MEGF11: variants seen among roughly 807,000 people sequenced by gnomAD.
The protein encoded by MEGF11 is multiple EGF like domains 11.
In MEGF11, 126 loss-of-function variants were observed where a neutral mutation model predicts 146.6. That is an observed-to-expected ratio of 0.86 (90% CI 0.74 to 1.00). The LOEUF is 1.00. Ranked by LOEUF, MEGF11 falls within the 50% of genes least tolerant of loss-of-function variation. The pLI is 0.00. For missense variants in MEGF11, 1,509 were observed against 1,521.2 expected, an observed-to-expected ratio of 0.99 and a Z score of 0.13; for synonymous variants, 532 against 583.4, an observed-to-expected ratio of 0.91 and a Z score of 1.27.
chr15:66,178,913 G>C (rs1169249449), intron 1 of MEGF11, among the ~76,000 whole-genome samples: 4 of 152,042 alleles, frequency 2.6e-5, no homozygotes, highest in Admixed American at 2.6e-4. Context: ...AAGACAGAGA[G>C]GAACTTAGCA....
intron 5 of MEGF11, among the ~76,000 whole-genome samples, chr15:66,031,961 G>C (rs2083537815): frequency 6.6e-6 from 1 of 152,232 alleles, no homozygotes; most frequent in African/African-American, 2.4e-5. Flanking sequence ...TACTGCCTGA[G>C]CTCTGCCTCC....
At chr15:66,008,782 C>G (rs966386717) in intron 5 of MEGF11, among the ~76,000 whole-genome samples, 4 of 151,822 alleles carry the variant, frequency 2.6e-5, no homozygotes, top group Admixed American at 2.0e-4. Context: ...CATGATTGTG[C>G]CCCTGCGCTC....
intron 1 of MEGF11, among the ~76,000 whole-genome samples, chr15:66,160,951 T>C (rs2089933536): frequency 5.9e-5 from 9 of 152,194 alleles, no homozygotes; most frequent in Admixed American, 5.9e-4. Context: ...GGAGAAGCCA[T>C]GCAGGGATCA....
At chr15:66,180,312 T>C (rs2090511725) in intron 1 of MEGF11, among the ~76,000 whole-genome samples, 1 of 152,162 alleles carries the variant, frequency 6.6e-6, no homozygotes. Context: ...GACCTGAGGT[T>C]TGGTCACCTT....
At chr15:66,028,273 T>C (rs570447482) in intron 5 of MEGF11, among the ~76,000 whole-genome samples, 101 of 152,346 alleles carry the variant, frequency 6.6e-4, no homozygotes, top group Non-Finnish European at 1.1e-3. Flanking sequence ...AATAAAGGTC[T>C]TTCATAACAC....
At chr15:66,092,962 T>G (rs548271017) in intron 5 of MEGF11, among the ~76,000 whole-genome samples, 1 of 152,206 alleles carries the variant, frequency 6.6e-6, no homozygotes, top group Non-Finnish European at 1.5e-5. Context: ...AGCCCAGACA[T>G]TTTACCCAGT....
intron 10 of MEGF11, among the ~76,000 whole-genome samples, chr15:65,941,447 C>CAA (rs201714757): frequency 4.9e-5 from 7 of 142,292 alleles, no homozygotes; most frequent in African/African-American, 1.3e-4. Context: ...GACTCCATCT[C>CAA]AAAAAAAAAA....
chr15:65,925,534 G>C (rs1370614896), intron 13 of MEGF11, among the ~76,000 whole-genome samples: 1 of 152,212 alleles, frequency 6.6e-6, no homozygotes, highest in Admixed American at 6.5e-5. Flanking sequence ...GATCAAAGGG[G>C]CTGGCCTTGG....
intron 9 of MEGF11, among the ~76,000 whole-genome samples, chr15:65,958,391 T>C (rs150054488): frequency 2.0e-5 from 3 of 151,976 alleles, no homozygotes; most frequent in Non-Finnish European, 4.4e-5. Flanking sequence ...CTCCAGAGAG[T>C]AGGGCAACCT....
intron 1 of MEGF11, among the ~76,000 whole-genome samples, chr15:66,129,537 TGG>T (rs1231340879): frequency 3.9e-5 from 6 of 152,110 alleles, no homozygotes; most frequent in African/African-American, 1.4e-4. Flanking sequence ...TAACTGGGGG[TGG>T]GGGTGTCATA....
chr15:65,933,889 T>A (rs1049912721), intron 10 of MEGF11, among the ~76,000 whole-genome samples: 2 of 152,226 alleles, frequency 1.3e-5, no homozygotes, highest in African/African-American at 4.8e-5. Flanking sequence ...ATTAAGAGGA[T>A]TAAATTAGTT....
At chr15:66,087,392 G>C (rs2086154650) in intron 5 of MEGF11, among the ~76,000 whole-genome samples, 1 of 152,122 alleles carries the variant, frequency 6.6e-6, no homozygotes, top group Non-Finnish European at 1.5e-5. Flanking sequence ...ACAGCACATG[G>C]AACTTTCTCC....
At chr15:66,074,102 C>T (rs1381795313) in intron 5 of MEGF11, among the ~76,000 whole-genome samples, 1 of 152,170 alleles carries the variant, frequency 6.6e-6, no homozygotes, top group Non-Finnish European at 1.5e-5. Context: ...CCTTGGGTAT[C>T]CCTCCCTAGC....
In MEGF11 at chr15:66,099,204, C is replaced by CTTTTTTTTT. The variant is rs10683767; in HGVS notation, c.302-4719_302-4711dup. ...CCCATCCCTCCCACCCCTCCTTTTT[C>CTTTTTTTTT]TTTTTTTTTTTTTTTTTTGATATGG... is the stretch of plus-strand genomic sequence containing the variant. On this transcript the variant is annotated intron_variant, in intron 4 of 25. Coordinates refer to ENST00000395614, the MANE Select transcript of MEGF11 (RefSeq NM_001385028.1). Among the ~76,000 whole-genome samples the CTTTTTTTTT allele has an allele frequency of 1.9e-3, 198 of 105,766 alleles. 1 individual carries two copies. Among genetic ancestry groups the CTTTTTTTTT allele is most frequent in the East Asian group, 4.0e-3 (15 of 3,750 alleles). The allele number at this position is 105,766 out of a possible 152,430, so 69.4% of individuals were successfully genotyped here. A position where few individuals can be genotyped will look rare whatever the true frequency, so the allele number is the denominator to read the frequency against.
intron 8 of MEGF11, among the ~76,000 whole-genome samples, chr15:65,965,905 G>A (rs1455583410): frequency 1.3e-5 from 2 of 152,106 alleles, no homozygotes; most frequent in African/African-American, 4.8e-5. Context: ...GCACTGTTGT[G>A]CCACATCACC....
chr15:66,223,615 C>T (rs548622993), intron 1 of MEGF11, among the ~76,000 whole-genome samples: 6 of 152,136 alleles, frequency 3.9e-5, no homozygotes, highest in Non-Finnish European at 7.4e-5. Context: ...CCCAGCTACT[C>T]GGGAGGCTGA....
chr15:66,210,372 T>G (rs1268275173), intron 1 of MEGF11, among the ~76,000 whole-genome samples: 1 of 152,138 alleles, frequency 6.6e-6, no homozygotes, highest in African/African-American at 2.4e-5. Flanking sequence ...GTGTTGACCC[T>G]AAGTGCCCTG....
chr15:66,031,078 G>C (rs1257491693), intron 5 of MEGF11, among the ~76,000 whole-genome samples: 1 of 152,168 alleles, frequency 6.6e-6, no homozygotes, highest in East Asian at 1.9e-4. Context: ...GAGGGAAGTG[G>C]GGTTTCCTTT....
At chr15:65,976,851 G>A (rs150595548) in intron 7 of MEGF11, among the ~76,000 whole-genome samples, 32 of 152,214 alleles carry the variant, frequency 2.1e-4, no homozygotes, top group African/African-American at 5.1e-4. Flanking sequence ...GACAACAGTC[G>A]CACTTTAAGA....
Sources: allele counts gnomAD v4.1 joint callset (sites outside exome capture counted in the v4.1 genomes callset), GRCh38; gene constraint gnomAD v4.1.1; transcripts MANE v1.5; gene names NCBI Gene and HGNC (gene_info 2026-07-23, HGNC 2026-07-21).